Variants in FNBP4 observed in about 807,000 individuals in gnomAD.
The protein encoded by FNBP4 is formin binding protein 4.
In FNBP4, 34 loss-of-function variants were observed where a neutral mutation model predicts 119.3. The ratio of observed to expected loss-of-function variants is 0.28; its 90% confidence interval spans 0.22 to 0.38. FNBP4 has a LOEUF of 0.38. Ranked by LOEUF, FNBP4 falls within the 10% of genes least tolerant of loss-of-function variation. The pLI, the probability that FNBP4 is intolerant of heterozygous loss-of-function variation, is 1.00. For missense variants in FNBP4, 1,112 were observed against 1,228.9 expected, an observed-to-expected ratio of 0.90 and a Z score of 1.42; for synonymous variants, 462 against 430.6, an observed-to-expected ratio of 1.07 and a Z score of -0.90.
At position 47,743,946 on chromosome 11, in the gene FNBP4, A is replaced by G; in HGVS notation, c.1456+7T>C. On this transcript the variant is annotated splice_region_variant and intron_variant, in intron 8 of 16. Transcript: ENST00000263773. The stretch of plus-strand genomic sequence containing the variant: ...AACTCTGAAGTTTAATGTGAAGCAC[A>G]AATTACCAGTTTCTCCATTTTCTGG... The G allele has an allele frequency of 6.2e-7, 1 of 1,613,194 alleles. No homozygotes were observed. Among genetic ancestry groups the G allele is most frequent in the Non-Finnish European group, 8.5e-7 (1 of 1,179,302 alleles).
chr11:47,725,844 CA>C, intron 12 of FNBP4: 3 of 947,982 alleles, frequency 3.2e-6, no homozygotes, highest in Non-Finnish European at 3.8e-6. Flanking sequence ...TCCCTAAAAT[CA>C]TAGAATTTAG....
chr11:47,735,601 G>A (rs1416251995), intron 9 of FNBP4, among the ~76,000 whole-genome samples: 1 of 152,092 alleles, frequency 6.6e-6, no homozygotes, highest in Non-Finnish European at 1.5e-5. Flanking sequence ...TCAAACAAGA[G>A]GCTTAATTTG....
rs926840744 is a variant in FNBP4 at position 47,719,540 on chromosome 11, AATT to A, written c.2963+386_2963+388del. Among the ~76,000 whole-genome samples, 3 of 150,942 alleles carry A rather than the reference AATT, an allele frequency of 2.0e-5. No homozygotes were observed. In the Admixed American group the frequency reaches 2.0e-4, roughly 10 times the overall value. On this transcript the variant is annotated intron_variant, in intron 16 of 16. Coordinates refer to ENST00000263773, the MANE Select transcript of FNBP4 (RefSeq NM_015308.5). The stretch of plus-strand genomic sequence containing the variant: ...GTGTATAAAAGGGTCTAATTCTATA[AATT>A]ATTTGTAAAATAAGTTAATATGTTA...
chr11:47,756,828 AATG>A (rs977447985), intron 2 of FNBP4, among the ~76,000 whole-genome samples: 4 of 151,938 alleles, frequency 2.6e-5, no homozygotes, highest in African/African-American at 9.7e-5. Flanking sequence ...GTTTGCTCAG[AATG>A]ATGGTTTCCA....
Position 47,732,372 on chromosome 11 carries a change from T to A in FNBP4, c.1820+165A>T. On this transcript the variant is annotated intron_variant, in intron 11 of 16. Transcript: ENST00000263773. The surrounding 1 kb of genome is among the most constrained non-coding windows in gnomAD (Gnocchi z 4.2). Reference sequence around the variant, plus strand: ...AAACATTGCTTTTGTTTCTCCAATGTGTGGCTGGCCAAACTTTGTGCTTGC... The same window carrying A: ...AAACATTGCTTTTGTTTCTCCAATGAGTGGCTGGCCAAACTTTGTGCTTGC... The A allele has an allele frequency of 6.6e-7, 1 of 1,511,770 alleles. No individual in the cohort carries two copies. Among genetic ancestry groups the A allele is most frequent in the Non-Finnish European group, 8.8e-7 (1 of 1,133,660 alleles). 93.6% of individuals were successfully genotyped at this position (1,511,770 alleles called of 1,614,324 possible). A position where few individuals can be genotyped will look rare whatever the true frequency, so the allele number is the denominator to read the frequency against.
At chr11:47,765,713 T>A (rs899355555) in intron 1 of FNBP4, among the ~76,000 whole-genome samples, 2 of 151,880 alleles carry the variant, frequency 1.3e-5, no homozygotes, top group Middle Eastern at 3.2e-3. Context: ...CTCGGGAGGC[T>A]GAGGCAGAAG....
At chr11:47,757,531 T>C (rs971953671) in intron 2 of FNBP4, among the ~76,000 whole-genome samples, 3 of 148,974 alleles carry the variant, frequency 2.0e-5, no homozygotes, top group Non-Finnish European at 4.4e-5. Flanking sequence ...TCTTGCTCTG[T>C]TGCCCAGGCT....
intron 3 of FNBP4, 119 bp downstream of exon 3, chr11:47,754,409 T>G: frequency 2.1e-6 from 2 of 944,294 alleles, no homozygotes; most frequent in South Asian, 1.6e-5. Context: ...CAAGAGAGTG[T>G]TGGAGGGAGA....
chr11:47,736,793 T>C, intron 8 of FNBP4, 53 bp from the exon 9 acceptor site: 5 of 1,463,976 alleles, frequency 3.4e-6, no homozygotes, highest in Non-Finnish European at 4.7e-6. Context: ...TATAGAACAC[T>C]ATATACCTTT....
intron 2 of FNBP4, among the ~76,000 whole-genome samples, chr11:47,760,178 T>A (rs2097630322): frequency 6.6e-6 from 1 of 151,648 alleles, no homozygotes; most frequent in African/African-American, 2.4e-5. Flanking sequence ...CCTAAAAACA[T>A]AATAAATTAG....
intron 2 of FNBP4, among the ~76,000 whole-genome samples, chr11:47,761,242 A>G (rs558504689): frequency 2.8e-4 from 42 of 152,344 alleles, no homozygotes; most frequent in African/African-American, 9.9e-4. Context: ...ACAGGAATGA[A>G]GTTAGAGTAA....
chr11:47,743,146 C>T (rs551382639), intron 8 of FNBP4, among the ~76,000 whole-genome samples: 1 of 152,206 alleles, frequency 6.6e-6, no homozygotes, highest in South Asian at 2.1e-4. Flanking sequence ...TCTAGGTGTA[C>T]TCAACTAAGG....
chr11:47,767,244 C>G lies in FNBP4; in HGVS notation c.45G>C (p.Leu15=). The change falls in exon 1 of 17, where the codon CTG becomes CTC. Residue 15 remains leucine, a synonymous_variant. Coordinates refer to ENST00000263773, the MANE Select transcript of FNBP4 (RefSeq NM_015308.5). ...SRAVPGRRPI[L]QLSPPGPRGS... ...CCCGAGGACCCGGCGGAGAGAGTTG[C>G]AGGATGGGCCTACGGCCGGGTACCG... The G allele has an allele frequency of 6.4e-7, 1 of 1,568,628 alleles. No homozygotes were observed. The highest frequency in any genetic ancestry group is 8.6e-7 in the Non-Finnish European group (1 of 1,164,828).
At chr11:47,729,576 T>C in intron 12 of FNBP4, 2 of 948,358 alleles carry the variant, frequency 2.1e-6, no homozygotes, top group Non-Finnish European at 2.5e-6. Flanking sequence ...GTGGTACAAT[T>C]ATGGCTTACT....
At chr11:47,741,088 C>T (rs1167904079) in intron 8 of FNBP4, among the ~76,000 whole-genome samples, 5 of 150,702 alleles carry the variant, frequency 3.3e-5, no homozygotes, top group South Asian at 2.1e-4. Flanking sequence ...AGGCTGGTCT[C>T]GAACTCCTGA....
intron 7 of FNBP4, among the ~76,000 whole-genome samples, chr11:47,744,525 G>A (rs960491106): frequency 1.1e-4 from 17 of 152,002 alleles, no homozygotes; most frequent in African/African-American, 4.1e-4. Flanking sequence ...GCCTCCCAAA[G>A]TCCTGGGATT....
chr11:47,748,748 C>G (rs146030990), intron 6 of FNBP4, among the ~76,000 whole-genome samples: 1 of 152,024 alleles, frequency 6.6e-6, no homozygotes, highest in South Asian at 2.1e-4. Context: ...CTCCCAGATT[C>G]AAGCGATTCT....
intron 2 of FNBP4, among the ~76,000 whole-genome samples, chr11:47,758,485 A>G (rs972235827): frequency 1.3e-5 from 2 of 152,098 alleles, no homozygotes; most frequent in Non-Finnish European, 2.9e-5. Flanking sequence ...TACAGGTGTG[A>G]GCCACCTCGT....
At chr11:47,758,863 A>T (rs2097626169) in intron 2 of FNBP4, among the ~76,000 whole-genome samples, 1 of 151,986 alleles carries the variant, frequency 6.6e-6, no homozygotes, top group African/African-American at 2.4e-5. Flanking sequence ...GTCTAAAAAA[A>T]AGCGGGGGGG....
Sources: gnomAD v4.1 joint callset for allele counts (sites outside exome capture counted in the v4.1 genomes callset) on GRCh38, gnomAD v4.1.1 for gene constraint, Gnocchi (gnomAD v3.1) non-coding constraint, MANE v1.5 for transcripts, NCBI Gene and HGNC (gene_info 2026-07-23, HGNC 2026-07-21) for gene names.